Variants in DTNA observed in about 807,000 individuals in gnomAD.
DTNA encodes the protein dystrophin-related protein 3.
Under a neutral mutation model 100.7 loss-of-function variants are expected in DTNA, and 43 were observed. The observed-to-expected ratio is 0.43, with a 90% CI of 0.33 to 0.55. The LOEUF is 0.55. Ranked by LOEUF, DTNA falls within the 20% of genes least tolerant of loss-of-function variation. DTNA has a pLI of 0.04. For synonymous variants in DTNA, 349 were observed against 347.9 expected (o/e 1.00, Z -0.04); for missense variants, 798 against 953.9 (o/e 0.84, Z 2.15).
In DTNA at chr18:34,766,637, C is replaced by CA. The variant is rs199926246; in HGVS notation, c.148+597dup. On this transcript the variant is annotated intron_variant, in intron 3 of 22. Transcript: ENST00000444659. ...TGTATACATATGTAACAAACCTGCA[C>CA]ATTGTGCACATGTACCCTAAAACTT... 5.4e-3 allele frequency among the ~76,000 whole-genome samples: 829 copies of CA among 152,180 alleles called. 10 individuals are homozygous for CA. The highest frequency in any genetic ancestry group is 0.019 in the African/African-American group (781 of 41,514).
At chr18:34,498,117 C>A (rs1282145095) in intron 1 of DTNA, among the ~76,000 whole-genome samples, 1 of 151,878 alleles carries the variant, frequency 6.6e-6, no homozygotes, top group Non-Finnish European at 1.5e-5. Flanking sequence ...CCCGTTTCTA[C>A]TAAAAATTCA....
chr18:34,814,871 A>G (rs1326014124), intron 6 of DTNA, among the ~76,000 whole-genome samples: 4 of 152,364 alleles, frequency 2.6e-5, no homozygotes, highest in East Asian at 3.9e-4. Context: ...GGAAACTTCC[A>G]GGAGTGCTTT....
chr18:34,849,347 C>A (rs1244755323), intron 14 of DTNA, among the ~76,000 whole-genome samples: 1 of 152,146 alleles, frequency 6.6e-6, no homozygotes, highest in African/African-American at 2.4e-5. Flanking sequence ...GGAAAAACCT[C>A]TTTTCCAAGT....
intron 17 of DTNA, among the ~76,000 whole-genome samples, chr18:34,864,629 C>A (rs1198251341): frequency 1.3e-5 from 2 of 152,186 alleles, no homozygotes; most frequent in Admixed American, 6.5e-5. Context: ...GGCTTATTTC[C>A]AGTTTCTTTA....
At chr18:34,573,279 C>A (rs1278699973) in intron 1 of DTNA, among the ~76,000 whole-genome samples, 1 of 152,206 alleles carries the variant, frequency 6.6e-6, no homozygotes, top group African/African-American at 2.4e-5. Flanking sequence ...ACACATAACA[C>A]AACTTTAGGG....
chr18:34,619,726 T>C (rs531472705), intron 1 of DTNA, among the ~76,000 whole-genome samples: 16 of 152,296 alleles, frequency 1.1e-4, no homozygotes, highest in African/African-American at 2.9e-4. Flanking sequence ...GAGGTTTTAG[T>C]GGGATATCCA....
At chr18:34,747,102 ATC>A (rs1355787502) in intron 1 of DTNA, among the ~76,000 whole-genome samples, 1 of 41,804 alleles carries the variant, frequency 2.4e-5, no homozygotes. Context: ...CTATATCTGT[ATC>A]TATATATATA....
chr18:34,504,504 C>A (rs1247412698), intron 1 of DTNA, among the ~76,000 whole-genome samples: 2 of 152,100 alleles, frequency 1.3e-5, no homozygotes, highest in Non-Finnish European at 2.9e-5. Flanking sequence ...CTCTAGCCAC[C>A]CTTTGTGAGC....
At chr18:34,497,231 CACACA>C (rs2039350972) in intron 1 of DTNA, among the ~76,000 whole-genome samples, 1 of 152,086 alleles carries the variant, frequency 6.6e-6, no homozygotes, top group African/African-American at 2.4e-5. Flanking sequence ...ATTGATTTAT[CACACA>C]GTCCCTGAGA....
chr18:34,760,722 T>C (rs746791372), intron 2 of DTNA, among the ~76,000 whole-genome samples: 1 of 152,206 alleles, frequency 6.6e-6, no homozygotes, highest in Non-Finnish European at 1.5e-5. Context: ...AGCACTCCTG[T>C]TCCCAAGTTT....
In DTNA at chr18:34,838,835, A is replaced by G. The variant is rs1274486733; in HGVS notation, c.1344A>G (p.Ser448=). 1 of 1,613,350 alleles carries G rather than the reference A, an allele frequency of 6.2e-7. No individual in the cohort carries two copies. The highest frequency in any genetic ancestry group is 8.5e-7 in the Non-Finnish European group (1 of 1,179,506). Residue 448 remains serine (S), a splice_region_variant and synonymous_variant, in exon 13 of 23, where the codon TCA becomes TCG. Transcript: ENST00000444659. Reference sequence around the variant, plus strand: ...TCAACATGCTCCGGAACAACCCCTCATGGTTAGTGCAGGTTTGGCTGCTTG... The same window carrying G: ...TCAACATGCTCCGGAACAACCCCTCGTGGTTAGTGCAGGTTTGGCTGCTTG... ...LYVNMLRNNP[S]CMLESSNRLD...
chr18:34,666,921 A>T (rs1462023160), intron 1 of DTNA, among the ~76,000 whole-genome samples: 3 of 152,146 alleles, frequency 2.0e-5, no homozygotes, highest in Non-Finnish European at 2.9e-5. Context: ...TTTTGGTTCC[A>T]TATGAACTTT....
At chr18:34,702,832 C>T (rs747015653) in intron 1 of DTNA, among the ~76,000 whole-genome samples, 1 of 152,128 alleles carries the variant, frequency 6.6e-6, no homozygotes, top group Non-Finnish European at 1.5e-5. Flanking sequence ...ACTCTGTAGC[C>T]TTCCTTAGAA....
Position 34,838,783 on chromosome 18 carries a change from A to G in DTNA, c.1292A>G (p.Asp431Gly). ...CTGAATGTGGCAGACAGGCTAGCTG[A>G]TGAACATGTTCTCATCGGGTTGTAT... ...YSLNVADRLA[D>G]EHVLIGLYVN... Residue 431 changes from aspartate to glycine, a missense_variant, in exon 13 of 23, where the codon GAT becomes GGT. By Grantham distance (94) the Asp-to-Gly change is moderately conservative. Coordinates refer to ENST00000444659, the MANE Select transcript of DTNA (RefSeq NM_001386795.1). 6.2e-7 allele frequency: 1 copy of G among 1,613,820 alleles called. No individual in the cohort carries two copies. The highest frequency in any genetic ancestry group is 1.1e-5 in the South Asian group (1 of 91,084).
intron 9 of DTNA, among the ~76,000 whole-genome samples, chr18:34,827,012 A>G (rs1451196020): frequency 6.6e-6 from 1 of 152,198 alleles, no homozygotes; most frequent in Non-Finnish European, 1.5e-5. Context: ...CACATACTCT[A>G]TCATATGGAT....
At position 34,890,647 on chromosome 18, in the gene DTNA, G is replaced by C; in HGVS notation, c.*2913G>C. 1.2e-6 allele frequency: 1 copy of C among 815,278 alleles called. No individual in the cohort carries two copies. Among genetic ancestry groups the C allele is most frequent in the Non-Finnish European group, 1.8e-6 (1 of 542,792 alleles). 50.5% of individuals were successfully genotyped at this position (815,278 alleles called of 1,614,324 possible). ...GGAGGAAGGTGAAATCTACTGCATG[G>C]GATTCAGGAAACAGTTGTGGTTGGT... On this transcript the variant is annotated 3_prime_UTR_variant, in exon 23 of 23. Coordinates refer to ENST00000444659, the MANE Select transcript of DTNA (RefSeq NM_001386795.1).
intron 1 of DTNA, among the ~76,000 whole-genome samples, chr18:34,641,471 G>A (rs775129737): frequency 5.3e-5 from 8 of 152,176 alleles, no homozygotes; most frequent in Admixed American, 2.6e-4. Context: ...GAACCTGGCC[G>A]ATCAGGCCTA....
At chr18:34,843,470 C>T (rs2096310968) in intron 13 of DTNA, among the ~76,000 whole-genome samples, 1 of 152,122 alleles carries the variant, frequency 6.6e-6, no homozygotes, top group Non-Finnish European at 1.5e-5. Flanking sequence ...TATTTTCTCA[C>T]TGTTCTGGAG....
At chr18:34,520,165 A>G (rs115736237) in intron 1 of DTNA, among the ~76,000 whole-genome samples, 1,678 of 152,294 alleles carry the variant, frequency 0.011, 11 homozygotes, top group Middle Eastern at 0.027. Flanking sequence ...CAATCATGAT[A>G]TTCTTTCTGT....
Sources: allele counts gnomAD v4.1 joint callset (sites outside exome capture counted in the v4.1 genomes callset), GRCh38; gene constraint gnomAD v4.1.1; transcripts MANE v1.5; gene names NCBI Gene and HGNC (gene_info 2026-07-23, HGNC 2026-07-21).